ANTXRL: variants seen among roughly 807,000 people sequenced by gnomAD.
ANTXRL encodes ANTXR like.
A neutral mutation model predicts 75.4 loss-of-function variants in ANTXRL; 63 were observed. That is an observed-to-expected ratio of 0.84 (90% confidence interval 0.68 to 1.03). The LOEUF (loss-of-function observed/expected upper bound fraction) is 1.03. ANTXRL is among the 50% of genes least tolerant of loss of function. ANTXRL has a pLI of 0.00. For synonymous variants in ANTXRL, 335 were observed against 291.3 expected (o/e 1.15, Z -1.53); for missense variants, 797 against 789.4 (o/e 1.01, Z -0.12).
chr10:46,290,321 C>T (rs560656091), intron 1 of ANTXRL, among the ~76,000 whole-genome samples: 3 of 152,152 alleles, frequency 2.0e-5, no homozygotes, highest in Non-Finnish European at 4.4e-5. Context: ...GGATTCCAAG[C>T]GTGAGCCACC....
chr10:46,305,104 G>T (rs1241303452), intron 10 of ANTXRL, among the ~76,000 whole-genome samples: 7 of 152,298 alleles, frequency 4.6e-5, no homozygotes, highest in African/African-American at 9.6e-5. Flanking sequence ...AATAGGAAGA[G>T]ATCCCCGGAA....
chr10:46,299,990 G>C (rs1837620742), intron 9 of ANTXRL, among the ~76,000 whole-genome samples: 1 of 152,190 alleles, frequency 6.6e-6, no homozygotes, highest in East Asian at 1.9e-4. Context: ...AAGCGGCTCA[G>C]CCGTGCAGCC....
upstream of ANTXRL, among the ~76,000 whole-genome samples, chr10:46,286,686 G>A (rs1260453385): frequency 6.6e-6 from 1 of 152,072 alleles, no homozygotes; most frequent in Non-Finnish European, 1.5e-5. Flanking sequence ...TCTCCTTCCC[G>A]AACTGCCATC....
At chr10:46,287,807 A>G (rs1348576779) in intron 1 of ANTXRL, among the ~76,000 whole-genome samples, 2 of 152,130 alleles carry the variant, frequency 1.3e-5, no homozygotes, top group African/African-American at 4.8e-5. Flanking sequence ...GCTGCAACAG[A>G]TGATTGCTCG....
At chr10:46,298,125 G>T (rs1837499323) in intron 9 of ANTXRL, 63 bp downstream of exon 9, 1 of 1,163,120 alleles carries the variant, frequency 8.6e-7, no homozygotes, top group South Asian at 1.3e-5. Flanking sequence ...TGCGTGTATG[G>T]AGTGTGTGCA....
chr10:46,293,216 CTG>C (rs369165090), intron 2 of ANTXRL: 1,945 of 147,208 alleles, frequency 0.013, 42 homozygotes, highest in East Asian at 0.064. Context: ...ATGTGTGTGA[CTG>C]TGTGTGTGTG....
intron 13 of ANTXRL, among the ~76,000 whole-genome samples, chr10:46,309,442 GGA>G (rs1393557757): frequency 6.6e-6 from 1 of 152,180 alleles, no homozygotes; most frequent in African/African-American, 2.4e-5. Context: ...GGAATGCCCT[GGA>G]CATGGGGTTG....
In ANTXRL at chr10:46,317,147, TA is replaced by T. The variant is rs530247740; in HGVS notation, c.1410+3832del. Among the ~76,000 whole-genome samples the T allele has an allele frequency of 5.9e-5, 9 of 152,326 alleles. No individual in the cohort carries two copies. The South Asian group carries it at 1.9e-3, about 32-fold the overall frequency. On this transcript the variant is annotated intron_variant, in intron 16 of 16. Coordinates refer to ENST00000620264, the MANE Select transcript of ANTXRL (RefSeq NM_001278688.3). ...TCACATTTATTTCAATGTTTAATAT[TA>T]GAAGCATTTTGGTTTTTATTTAGAA...
chr10:46,327,672 C>A (rs1411005650), intron 16 of ANTXRL, among the ~76,000 whole-genome samples: 5 of 152,144 alleles, frequency 3.3e-5, no homozygotes, highest in Admixed American at 3.3e-4. Flanking sequence ...TTGTCACTCA[C>A]ATGTCCAAGG....
Position 46,330,101 on chromosome 10 carries a change from G to T in ANTXRL, c.*17G>T. 6.7e-7 allele frequency: 1 copy of T among 1,487,894 alleles called. No individual in the cohort carries two copies. The highest frequency in any genetic ancestry group is 8.9e-7 in the Non-Finnish European group (1 of 1,122,190). The allele number at this position is 1,487,894 out of a possible 1,614,324, so 92.2% of individuals were successfully genotyped here. Reference sequence around the variant, plus strand: ...AACTTCTAAGGCACCAAACACCCAAGATTAACAGGCTTTTGTTGCTGAACT... The same window carrying T: ...AACTTCTAAGGCACCAAACACCCAATATTAACAGGCTTTTGTTGCTGAACT... On this transcript the variant is annotated 3_prime_UTR_variant, in exon 17 of 17. Transcript: ENST00000620264.
At chr10:46,293,366 G>C (rs1266522489) in intron 2 of ANTXRL, among the ~76,000 whole-genome samples, 5 of 147,496 alleles carry the variant, frequency 3.4e-5, no homozygotes, top group Non-Finnish European at 7.5e-5. Flanking sequence ...GTGCATGTGA[G>C]TGTGCCTGTG....
chr10:46,308,917 T>C (rs550702324), intron 12 of ANTXRL, among the ~76,000 whole-genome samples, 196 bp from the exon 13 acceptor site: 21 of 152,272 alleles, frequency 1.4e-4, no homozygotes, highest in African/African-American at 5.1e-4. Flanking sequence ...GGCAGGGCTC[T>C]GGGGCAGAGA....
intron 5 of ANTXRL, among the ~76,000 whole-genome samples, chr10:46,296,492 G>C (rs1461252408): frequency 1.3e-5 from 2 of 152,174 alleles, no homozygotes; most frequent in African/African-American, 4.8e-5. Flanking sequence ...TCATAACCCT[G>C]AGGTGCTTGC....
intron 16 of ANTXRL, among the ~76,000 whole-genome samples, chr10:46,326,558 T>C (rs1554966545): frequency 1.3e-5 from 2 of 152,064 alleles, no homozygotes; most frequent in African/African-American, 4.8e-5. Flanking sequence ...GGTTGGGGGC[T>C]GAGGCCTGAG....
At chr10:46,312,543 G>T (rs1219204612) in intron 15 of ANTXRL, among the ~76,000 whole-genome samples, 1 of 146,528 alleles carries the variant, frequency 6.8e-6, no homozygotes, top group East Asian at 2.0e-4. Context: ...CTCCTGGGAG[G>T]GTCAGGCTCC....
rs72790466 is a variant in ANTXRL, at chr10:46,297,484, A to G, written c.654+10A>G. ...TTATAATCTGGATCAGGTAATTCCAAGCAGGTAACCAGGCGCCACTTTCAA... is the reference window on the plus strand; with the variant it reads ...TTATAATCTGGATCAGGTAATTCCAGGCAGGTAACCAGGCGCCACTTTCAA... On this transcript the variant is annotated intron_variant, in intron 7 of 16. Transcript: ENST00000620264. 284,241 of 1,533,302 alleles carry G rather than the reference A, an allele frequency of 0.19. 21,309 individuals carry two copies. The highest frequency in any genetic ancestry group is 0.19 in the Non-Finnish European group (222,879 of 1,144,954). 95.0% of individuals were successfully genotyped at this position (1,533,302 alleles called of 1,614,324 possible).
chr10:46,306,753 C>T, intron 10 of ANTXRL, 50 bp from the exon 11 acceptor site: 1 of 1,435,122 alleles, frequency 7.0e-7, no homozygotes, highest in South Asian at 1.4e-5. Context: ...TGGGGAGGAA[C>T]AGTGGACAGA....
intron 9 of ANTXRL, among the ~76,000 whole-genome samples, chr10:46,298,677 T>A (rs1246384901): frequency 6.6e-6 from 1 of 151,504 alleles, no homozygotes; most frequent in East Asian, 2.0e-4. Flanking sequence ...TTGTGTCGTA[T>A]GGGGAGTTGG....
At position 46,329,723 on chromosome 10, in the gene ANTXRL, T is replaced by C. The variant is rs1331253974; in HGVS notation, c.1535T>C (p.Met512Thr). 8 of 1,534,948 alleles carry C rather than the reference T, an allele frequency of 5.2e-6. No individual in the cohort carries two copies. In the African/African-American group the frequency reaches 1.1e-4, roughly 21 times the overall value. The change falls in exon 17 of 17, where the codon ATG becomes ACG. Residue 512 changes from methionine (M) to threonine (T), a missense_variant. Met to Thr is a moderately conservative substitution (Grantham distance 81, BLOSUM62 -1). Around this residue, in one of 3 missense-constraint regions of ANTXRL, gnomAD observed 479 missense variants for 422.0 expected, o/e 1.14. Coordinates refer to ENST00000620264, the MANE Select transcript of ANTXRL (RefSeq NM_001278688.3). ...CCACAGGCTCCCTGCAGCCCAAGGA[T>C]GTGCCTGAGACACAGCCGGGAGTGC... ...SLPQAPCSPR[M>T]CLRHSRECLA...
Sources: gnomAD v4.1 joint callset for allele counts (sites outside exome capture counted in the v4.1 genomes callset) on GRCh38, gnomAD v4.1.1 for gene constraint, gnomAD v4.1.1 regional missense constraint, MANE v1.5 for transcripts, NCBI Gene and HGNC (gene_info 2026-07-23, HGNC 2026-07-21) for gene names.